The following PTPRT variants were observed in gnomAD, a reference collection of about 807,000 sequenced individuals.
The protein encoded by PTPRT is receptor-type tyrosine-protein phosphatase T.
Under a neutral mutation model 176.8 loss-of-function variants are expected in PTPRT, and 56 were observed. The observed-to-expected ratio is 0.32, with a 90% CI of 0.26 to 0.40. The LOEUF (loss-of-function observed/expected upper bound fraction) is 0.40. Ranked by LOEUF, PTPRT falls within the 10% of genes least tolerant of loss-of-function variation. The pLI, the probability that PTPRT is intolerant of heterozygous loss-of-function variation, is 1.00. For missense variants in PTPRT, 1,540 were observed against 1,908.2 expected (o/e 0.81, Z 3.60); for synonymous variants, 783 against 739.0 (o/e 1.06, Z -0.96).
Position 42,080,940 on chromosome 20 carries a change from G to A in PTPRT, c.4273-8C>T. On this transcript the variant is annotated splice_region_variant and splice_polypyrimidine_tract_variant and intron_variant, in intron 30 of 30. Coordinates refer to ENST00000373187, the MANE Select transcript of PTPRT (RefSeq NM_007050.6). ...TACAAATTTATACTGTTCCTGAGAG[G>A]CGGAGAGGAGCAGAGGCAGAGAGGG... 6.3e-7 allele frequency: 1 copy of A among 1,590,548 alleles called. No homozygotes were observed. The highest frequency in any genetic ancestry group is 1.1e-5 in the South Asian group (1 of 90,588).
intron 7 of PTPRT, among the ~76,000 whole-genome samples, chr20:42,542,505 T>G (rs556037320): frequency 6.6e-6 from 1 of 152,256 alleles, no homozygotes; most frequent in East Asian, 1.9e-4. Context: ...ACAGGACAAG[T>G]TAAAAATGTA....
At chr20:42,291,505 G>C (rs1034979777) in intron 12 of PTPRT, among the ~76,000 whole-genome samples, 1 of 152,158 alleles carries the variant, frequency 6.6e-6, no homozygotes, top group African/African-American at 2.4e-5. Flanking sequence ...ATGAGGTTGT[G>C]TTTAAAAGTT....
Position 42,236,244 on chromosome 20 carries a change from G to A in PTPRT, c.2327C>T (p.Ser776Phe), listed in dbSNP as rs951863604. The A allele has an allele frequency of 6.2e-7, 1 of 1,603,936 alleles. No homozygotes were observed. The highest frequency in any genetic ancestry group is 8.5e-7 in the Non-Finnish European group (1 of 1,171,578). ...CGATACTTACAAGTAATAGGAGTAGGAATAAGCATTTCTTCTATATATTGA... is the reference window on the plus strand; with the variant it reads ...CGATACTTACAAGTAATAGGAGTAGAAATAAGCATTTCTTCTATATATTGA... Reference protein sequence around the residue: ...LTIKRRRNAYSYSYYLKLAKK... With the variant: ...LTIKRRRNAYFYSYYLKLAKK... The change falls in exon 15 of 31, where the codon TCC (serine) becomes TTC (phenylalanine). Residue 776 changes from serine (S) to phenylalanine (F), a missense_variant. Physicochemically the swap from Ser to Phe is radical, Grantham distance 155 (BLOSUM62 -2). Coordinates refer to ENST00000373187, the MANE Select transcript of PTPRT (RefSeq NM_007050.6).
intron 7 of PTPRT, among the ~76,000 whole-genome samples, chr20:42,573,365 C>G (rs1430316180): frequency 6.6e-6 from 1 of 152,070 alleles, no homozygotes; most frequent in Admixed American, 6.5e-5. Flanking sequence ...CCATGATGGT[C>G]TGGATAAGAT....
chr20:42,129,137 A>G (rs1988006275), intron 18 of PTPRT, among the ~76,000 whole-genome samples: 2 of 152,232 alleles, frequency 1.3e-5, no homozygotes, highest in South Asian at 2.1e-4. Flanking sequence ...CTTGCTTCAT[A>G]GGACAATGTG....
chr20:42,399,892 A>C lies in PTPRT; in HGVS notation c.1561-47607T>G, dbSNP rs149433344. ...TGTGTCTTTCAAATATCTGACTTAT[A>C]AGATGACTTTTGCAATATCATCTTT... On this transcript the variant is annotated intron_variant, in intron 9 of 30. Coordinates refer to ENST00000373187, the MANE Select transcript of PTPRT (RefSeq NM_007050.6). Among the ~76,000 whole-genome samples, 126 of 152,346 alleles carry C rather than the reference A, an allele frequency of 8.3e-4. 1 individual carries two copies. In the East Asian group the frequency reaches 0.012, roughly 14 times the overall value.
chr20:42,620,225 T>TG (rs909096430), intron 7 of PTPRT, among the ~76,000 whole-genome samples: 5 of 149,576 alleles, frequency 3.3e-5, no homozygotes, highest in South Asian at 2.1e-4. Context: ...GTGCCCCTGC[T>TG]GGGGGGTGCC....
At chr20:42,740,413 C>T (rs968819474) in intron 6 of PTPRT, among the ~76,000 whole-genome samples, 1 of 152,134 alleles carries the variant, frequency 6.6e-6, no homozygotes, top group African/African-American at 2.4e-5. Flanking sequence ...CTGCCAGGGT[C>T]CAGGCTGAGA....
chr20:42,495,613 G>T (rs145224895), intron 7 of PTPRT, among the ~76,000 whole-genome samples: 91 of 152,266 alleles, frequency 6.0e-4, no homozygotes, highest in African/African-American at 2.2e-3. Context: ...CAGTTTTCCC[G>T]TTAGAGTCTC....
chr20:42,569,545 C>T (rs2073118293), intron 7 of PTPRT, among the ~76,000 whole-genome samples: 1 of 152,122 alleles, frequency 6.6e-6, no homozygotes, highest in East Asian at 1.9e-4. Context: ...CCTGAGTCTG[C>T]ACCCTGTCTA....
At position 42,950,879 on chromosome 20, in the gene PTPRT, T is replaced by C. The variant is rs189250542; in HGVS notation, c.89-64947A>G. The stretch of plus-strand genomic sequence containing the variant: ...AGAGAAAATTAGAAAAGGCACAGGT[T>C]ATATTTTAGTATTTTAGATGAAGGT... On this transcript the variant is annotated intron_variant, in intron 1 of 30. Coordinates refer to ENST00000373187, the MANE Select transcript of PTPRT (RefSeq NM_007050.6). Among the ~76,000 whole-genome samples, 181 of 152,348 alleles carry C rather than the reference T, an allele frequency of 1.2e-3. 1 individual carries two copies. The highest frequency in any genetic ancestry group is 1.9e-3 in the Non-Finnish European group (131 of 68,032).
intron 12 of PTPRT, among the ~76,000 whole-genome samples, chr20:42,305,174 G>C (rs1245371200): frequency 1.3e-5 from 2 of 152,054 alleles, no homozygotes; most frequent in East Asian, 3.9e-4. Context: ...TCAACATGGT[G>C]AAAACCCATC....
intron 2 of PTPRT, among the ~76,000 whole-genome samples, chr20:42,808,152 A>C (rs1163952641): frequency 6.6e-6 from 1 of 152,188 alleles, no homozygotes; most frequent in African/African-American, 2.4e-5. Flanking sequence ...GGAGTTGGCT[A>C]ATGATGTCCT....
intron 14 of PTPRT, among the ~76,000 whole-genome samples, chr20:42,240,885 A>C (rs1368212589): frequency 6.6e-6 from 1 of 152,228 alleles, no homozygotes; most frequent in Non-Finnish European, 1.5e-5. Flanking sequence ...CCAGACTAGC[A>C]AATTATAAAG....
intron 1 of PTPRT, among the ~76,000 whole-genome samples, chr20:43,063,866 A>G (rs931040612): frequency 6.6e-6 from 1 of 152,180 alleles, no homozygotes; most frequent in Admixed American, 6.5e-5. Flanking sequence ...CAAGTTCATC[A>G]GTTGATGGAC....
downstream of PTPRT, among the ~76,000 whole-genome samples, chr20:42,071,073 G>A (rs754123396): frequency 2.0e-5 from 3 of 152,188 alleles, no homozygotes; most frequent in Admixed American, 6.5e-5. Context: ...GGAATCACAT[G>A]TTCTCTAGAC....
Position 42,845,643 on chromosome 20 carries a change from C to G in PTPRT, c.214+40164G>C, listed in dbSNP as rs2078357651. On this transcript the variant is annotated intron_variant, in intron 2 of 30. Coordinates refer to ENST00000373187, the MANE Select transcript of PTPRT (RefSeq NM_007050.6). Reference sequence around the variant, plus strand: ...TGCTGCACAAGCAATGGAGGAAGGGCATGGCAGAGAACTCCCTGGGTATGA... The same window carrying G: ...TGCTGCACAAGCAATGGAGGAAGGGGATGGCAGAGAACTCCCTGGGTATGA... 4.6e-5 allele frequency among the ~76,000 whole-genome samples: 7 copies of G among 152,170 alleles called. No homozygotes were observed. In the South Asian group the frequency reaches 1.4e-3, roughly 31 times the overall value.
chr20:42,447,132 G>A (rs1426943693), intron 9 of PTPRT, among the ~76,000 whole-genome samples: 2 of 151,790 alleles, frequency 1.3e-5, no homozygotes, highest in African/African-American at 4.8e-5. Context: ...TTTCCTTATG[G>A]CAGCAATATT....
intron 1 of PTPRT, among the ~76,000 whole-genome samples, chr20:43,176,301 C>T (rs2015120803): frequency 6.6e-6 from 1 of 152,054 alleles, no homozygotes; most frequent in Non-Finnish European, 1.5e-5. Context: ...TGGGCTCTGA[C>T]TGTGCCACTG....
Sources: allele counts gnomAD v4.1 joint callset (sites outside exome capture counted in the v4.1 genomes callset), GRCh38; gene constraint gnomAD v4.1.1; transcripts MANE v1.5; gene names NCBI Gene and HGNC (gene_info 2026-07-23, HGNC 2026-07-21).